The following TBC1D8 variants were observed in gnomAD, a reference collection of about 807,000 sequenced individuals.
TBC1D8 encodes BUB2-like protein 1.
Under a neutral mutation model 118.8 loss-of-function variants are expected in TBC1D8, and 65 were observed. The ratio of observed to expected loss-of-function variants is 0.55; its 90% CI spans 0.45 to 0.67. The LOEUF is 0.67. TBC1D8 is among the 30% of genes least tolerant of loss of function. The pLI is 0.00. For missense variants in TBC1D8, 1,376 were observed against 1,471.2 expected (o/e 0.94, Z 1.06); for synonymous variants, 566 against 595.8 (o/e 0.95, Z 0.73).
chr2:101,059,284 A>C (rs1682624448), intron 3 of TBC1D8, 137 bp downstream of exon 3: 2 of 591,438 alleles, frequency 3.4e-6, no homozygotes, highest in African/African-American at 3.8e-5. Context: ...CAGGTGATAA[A>C]TGAAACTTAT....
At chr2:101,078,720 A>AG (rs2105444410) in intron 2 of TBC1D8, among the ~76,000 whole-genome samples, 1 of 150,608 alleles carries the variant, frequency 6.6e-6, no homozygotes, top group East Asian at 2.0e-4. Flanking sequence ...ATAACAAAAA[A>AG]AAAAAAGGAA....
chr2:101,021,013 T>C (rs1257083728), intron 17 of TBC1D8, among the ~76,000 whole-genome samples: 1 of 152,156 alleles, frequency 6.6e-6, no homozygotes, highest in African/African-American at 2.4e-5. Flanking sequence ...GTAAGTGCAC[T>C]AATAGTTGTA....
chr2:101,110,123 C>CTA, intron 1 of TBC1D8: 1 of 608,608 alleles, frequency 1.6e-6, no homozygotes. Flanking sequence ...AAATAGAGGC[C>CTA]TACTAATAAT....
At chr2:101,069,452 G>A (rs1486604736) in intron 2 of TBC1D8, among the ~76,000 whole-genome samples, 1 of 152,094 alleles carries the variant, frequency 6.6e-6, no homozygotes, top group Admixed American at 6.6e-5. Context: ...CGGGCGTGGT[G>A]GTGCTTGCCT....
At position 101,007,726 on chromosome 2, in the gene TBC1D8, T is replaced by TA. The variant is rs1392956880; in HGVS notation, c.*94dup. ...TTAGCCAGATGCCCCATTGGTAAGG[T>TA]AGACTGAAATCTCGGTTTAGGGCTG... On this transcript the variant is annotated 3_prime_UTR_variant, in exon 20 of 20. Transcript: ENST00000409318. 7.7e-7 allele frequency: 1 copy of TA among 1,302,416 alleles called. No individual in the cohort carries two copies. The highest frequency in any genetic ancestry group is 1.5e-5 in the African/African-American group (1 of 67,810). 80.7% of individuals were successfully genotyped at this position (1,302,416 alleles called of 1,614,324 possible).
rs373143507 is a variant in TBC1D8, at chr2:101,029,703, G to A, written c.2010C>T (p.Asn670=). The A allele has an allele frequency of 8.8e-5, 142 of 1,614,008 alleles. No individual in the cohort carries two copies. Among genetic ancestry groups the A allele is most frequent in the East Asian group, 4.0e-4 (18 of 44,884 alleles). The change falls in exon 12 of 20, where the codon AAC becomes AAT. Residue 670 remains asparagine, a synonymous_variant. Coordinates refer to ENST00000409318, the MANE Select transcript of TBC1D8 (RefSeq NM_001330348.2). The part of the protein sequence containing the change: ...GHLPELAEHM[N]DLSALASVSL... ...AGACGGACGCCAGGGCTGAGAGGTC[G>A]TTCATGTGCTCTGCCAGCTCTGGGA...
rs1013293785 is a variant in TBC1D8 at position 101,007,611 on chromosome 2, C to T, written c.*210G>A. On this transcript the variant is annotated 3_prime_UTR_variant, in exon 20 of 20. Transcript: ENST00000409318. Reference sequence around the variant, plus strand: ...AATTGTAAGTTGGCATCAAGGGAACCAATGGATACCTTAGGGCACTGACAA... The same window carrying T: ...AATTGTAAGTTGGCATCAAGGGAACTAATGGATACCTTAGGGCACTGACAA... 21 of 560,600 alleles carry T rather than the reference C, an allele frequency of 3.7e-5. No individual in the cohort carries two copies. Among genetic ancestry groups the T allele is most frequent in the Non-Finnish European group, 6.2e-5 (20 of 320,448 alleles). The allele number at this position is 560,600 out of a possible 1,614,324, so 34.7% of individuals were successfully genotyped here.
intron 3 of TBC1D8, among the ~76,000 whole-genome samples, chr2:101,057,318 A>AT (rs1349203450): frequency 6.6e-6 from 1 of 152,208 alleles, no homozygotes; most frequent in Non-Finnish European, 1.5e-5. Flanking sequence ...AGGAATCTAC[A>AT]TAACAAACCT....
intron 1 of TBC1D8, among the ~76,000 whole-genome samples, chr2:101,116,923 G>A (rs1677845863): frequency 6.6e-6 from 1 of 152,074 alleles, no homozygotes; most frequent in South Asian, 2.1e-4. Flanking sequence ...TTACAGGTGT[G>A]CACCACCATG....
intron 1 of TBC1D8, among the ~76,000 whole-genome samples, chr2:101,119,376 T>G (rs2309996): frequency 0.66 from 100,419 of 151,478 alleles, 33,607 homozygotes; most frequent in East Asian, 0.78. Flanking sequence ...CCCACCCCCT[T>G]CTGACTCAGG....
chr2:101,050,367 C>A (rs28650982), intron 5 of TBC1D8, 34 bp downstream of exon 5: 3 of 1,596,024 alleles, frequency 1.9e-6, no homozygotes, highest in Non-Finnish European at 1.7e-6. Context: ...GTCCCCCGTG[C>A]GGGTGGGAGA....
chr2:101,009,279 G>A lies in TBC1D8; in HGVS notation c.3016-1006C>T, dbSNP rs376476505. On this transcript the variant is annotated intron_variant, in intron 19 of 19. Coordinates refer to ENST00000409318, the MANE Select transcript of TBC1D8 (RefSeq NM_001330348.2). Reference sequence around the variant, plus strand: ...AAATTAGCCGGGCTTGGTGGCGGGCGCCTGTAGTCCCAGCTACTCGGGAAG... The same window carrying A: ...AAATTAGCCGGGCTTGGTGGCGGGCACCTGTAGTCCCAGCTACTCGGGAAG... Among the ~76,000 whole-genome samples the A allele has an allele frequency of 3.8e-4, 57 of 151,996 alleles. 1 individual carries two copies. The East Asian group carries it at 0.01, about 28-fold the overall frequency.
chr2:101,017,751 G>A (rs1256549149), intron 17 of TBC1D8: 4 of 1,263,778 alleles, frequency 3.2e-6, no homozygotes, highest in Non-Finnish European at 4.4e-6. Flanking sequence ...AGGGTCAAGT[G>A]ACAAAAAGGA....
At chr2:101,113,031 T>C (rs1677673399) in intron 1 of TBC1D8, among the ~76,000 whole-genome samples, 1 of 152,194 alleles carries the variant, frequency 6.6e-6, no homozygotes, top group Non-Finnish European at 1.5e-5. Context: ...CATCTGAGTC[T>C]GAATAACGTA....
At chr2:101,034,127 G>A (rs1021028610) in intron 9 of TBC1D8, among the ~76,000 whole-genome samples, 9 of 152,168 alleles carry the variant, frequency 5.9e-5, no homozygotes, top group African/African-American at 2.2e-4. Flanking sequence ...TCACACCACT[G>A]CACTCCAGCC....
chr2:101,120,641 A>G (rs912192320), intron 1 of TBC1D8, among the ~76,000 whole-genome samples: 1 of 152,236 alleles, frequency 6.6e-6, no homozygotes, highest in Non-Finnish European at 1.5e-5. Flanking sequence ...TCAAAAAGCT[A>G]AATGCAAAAG....
At chr2:101,150,636 G>A (rs778526597) in intron 1 of TBC1D8, among the ~76,000 whole-genome samples, 1 of 152,174 alleles carries the variant, frequency 6.6e-6, no homozygotes, top group East Asian at 1.9e-4. Context: ...GACAGTTCCC[G>A]CTCACCGCGG....
In TBC1D8 at chr2:101,050,418, C is replaced by T. The variant is rs78009672; in HGVS notation, c.855G>A (p.Pro285=). 35 of 1,613,218 alleles carry T rather than the reference C, an allele frequency of 2.2e-5. No homozygotes were observed. The East Asian group carries it at 2.2e-4, about 10-fold the overall frequency. ...ACTTTCACCTCTTGGTGATCTGGCT[C>T]GGCTCCTGCAGATCGGGGTCGAGGT... ...VFDLDPDLQE[P]SQITKRDLEA... is the part of the protein sequence containing the mutation. Residue 285 remains proline, a synonymous_variant, in exon 5 of 20, where the codon CCG becomes CCA. Transcript: ENST00000409318.
At chr2:101,104,734 G>A (rs1677084027) in intron 1 of TBC1D8, among the ~76,000 whole-genome samples, 1 of 152,086 alleles carries the variant, frequency 6.6e-6, no homozygotes, top group South Asian at 2.1e-4. Context: ...CTACAACATA[G>A]GTCAGGCGCG....
Sources: allele counts gnomAD v4.1 joint callset (sites outside exome capture counted in the v4.1 genomes callset), GRCh38; gene constraint gnomAD v4.1.1; transcripts MANE v1.5; gene names NCBI Gene and HGNC (gene_info 2026-07-23, HGNC 2026-07-21).